ELOVL7: variants seen among roughly 807,000 people sequenced by gnomAD.
The protein encoded by ELOVL7 is very long chain fatty acid elongase 7.
A neutral mutation model predicts 35.7 loss-of-function variants in ELOVL7; 27 were observed. The ratio of observed to expected loss-of-function variants is 0.76; its 90% CI spans 0.56 to 1.04. The LOEUF (loss-of-function observed/expected upper bound fraction) is 1.04, where lower values mean the gene tolerates loss of function less well. Among genes scored for constraint, ELOVL7 ranks in the 50% least tolerant of loss-of-function variants. The probability of loss-of-function intolerance (pLI) is 0.00; values close to 1 mark genes in which losing one functional copy is unlikely to be tolerated. For missense variants in ELOVL7, 327 were observed against 340.8 expected (o/e 0.96, Z 0.32); for synonymous variants, 113 against 114.6 (o/e 0.99, Z 0.09).
At chr5:60,838,125 T>G (rs1746940333) in intron 1 of ELOVL7, among the ~76,000 whole-genome samples, 1 of 152,286 alleles carries the variant, frequency 6.6e-6, no homozygotes, top group African/African-American at 2.4e-5. Flanking sequence ...ACTGACATTA[T>G]GATAAAATCC....
chr5:60,756,922 T>C (rs1380142396), intron 8 of ELOVL7, among the ~76,000 whole-genome samples: 1 of 152,204 alleles, frequency 6.6e-6, no homozygotes, highest in Admixed American at 6.5e-5. Context: ...TCATATATTT[T>C]GAGAATTAAT....
At chr5:60,776,440 T>C (rs748676900) in intron 3 of ELOVL7, among the ~76,000 whole-genome samples, 49 of 152,334 alleles carry the variant, frequency 3.2e-4, no homozygotes, top group Non-Finnish European at 8.8e-5. Context: ...TGCAGGACTA[T>C]TCATAACAGC....
chr5:60,760,894 T>C (rs964849448), intron 7 of ELOVL7, among the ~76,000 whole-genome samples: 1 of 152,180 alleles, frequency 6.6e-6, no homozygotes, highest in Non-Finnish European at 1.5e-5. Flanking sequence ...TATCCTAAAA[T>C]GAGGATCTTA....
At chr5:60,800,887 A>T (rs988630779) in intron 1 of ELOVL7, among the ~76,000 whole-genome samples, 1 of 152,192 alleles carries the variant, frequency 6.6e-6, no homozygotes, top group Non-Finnish European at 1.5e-5. Context: ...GGTCAACTGT[A>T]TTACACCATT....
intron 1 of ELOVL7, among the ~76,000 whole-genome samples, chr5:60,823,527 G>A (rs758499298): frequency 6.6e-6 from 1 of 152,120 alleles, no homozygotes; most frequent in Non-Finnish European, 1.5e-5. Context: ...ATGTATAGTT[G>A]ACTAAATGGG....
At chr5:60,789,789 G>T (rs570494942) in intron 2 of ELOVL7, among the ~76,000 whole-genome samples, 1 of 152,132 alleles carries the variant, frequency 6.6e-6, no homozygotes, top group Admixed American at 6.6e-5. Flanking sequence ...AAATAAGAAT[G>T]AAGAACCTCT....
At position 60,757,498 on chromosome 5, in the gene ELOVL7, T is replaced by A; in HGVS notation, c.636+11A>T. 1.9e-6 allele frequency: 3 copies of A among 1,612,560 alleles called. No individual in the cohort carries two copies. In the South Asian group the frequency reaches 3.3e-5, roughly 18 times the overall value. ...CTTCATATATGGTTTTAAAGACAAT[T>A]AATTACTCACAAGCTGTAATGATGT... On this transcript the variant is annotated intron_variant, in intron 8 of 8. Coordinates refer to ENST00000508821, the MANE Select transcript of ELOVL7 (RefSeq NM_024930.3).
intron 3 of ELOVL7, among the ~76,000 whole-genome samples, chr5:60,777,371 C>G (rs1199687283): frequency 2.6e-5 from 4 of 151,318 alleles, no homozygotes; most frequent in Non-Finnish European, 4.4e-5. Context: ...CTACTATTTA[C>G]CCGCAAAAAT....
intron 4 of ELOVL7, 105 bp from the exon 5 acceptor site, chr5:60,768,008 T>C (rs1742350259): frequency 8.3e-6 from 7 of 838,730 alleles, no homozygotes; most frequent in Middle Eastern, 4.5e-4. Context: ...GCTAAGTCAA[T>C]AGTCAGTGCA....
At chr5:60,768,442 T>A (rs757387726) in intron 4 of ELOVL7, among the ~76,000 whole-genome samples, 1 of 152,146 alleles carries the variant, frequency 6.6e-6, no homozygotes, top group Non-Finnish European at 1.5e-5. Flanking sequence ...GAGGTGGTAG[T>A]CCATGGCTCA....
intron 1 of ELOVL7, among the ~76,000 whole-genome samples, chr5:60,837,908 C>G (rs1445608590): frequency 6.6e-6 from 1 of 152,124 alleles, no homozygotes; most frequent in Non-Finnish European, 1.5e-5. Flanking sequence ...TGCACTCCAG[C>G]CTGGGCAACA....
chr5:60,817,492 G>A (rs975251976), intron 1 of ELOVL7, among the ~76,000 whole-genome samples: 1 of 150,966 alleles, frequency 6.6e-6, no homozygotes, highest in Admixed American at 6.6e-5. Flanking sequence ...TTGCTGATGG[G>A]AATGTGAACT....
At chr5:60,785,161 A>T (rs1319325131) in intron 3 of ELOVL7, among the ~76,000 whole-genome samples, 3 of 152,000 alleles carry the variant, frequency 2.0e-5, no homozygotes, top group African/African-American at 7.2e-5. Context: ...TCCCCTCCCA[A>T]GTCTTCAAAT....
chr5:60,811,942 A>G (rs922526607), intron 1 of ELOVL7, among the ~76,000 whole-genome samples: 1 of 152,264 alleles, frequency 6.6e-6, no homozygotes, highest in Non-Finnish European at 1.5e-5. Context: ...AATTCCAGGT[A>G]CAGTCACTCA....
chr5:60,800,005 C>A (rs1364440197), intron 1 of ELOVL7, among the ~76,000 whole-genome samples: 2 of 138,376 alleles, frequency 1.4e-5, no homozygotes, highest in Admixed American at 1.6e-4. Context: ...CTATTGCACA[C>A]CAGCCTGGGC....
At chr5:60,836,309 A>C (rs1746795693) in intron 1 of ELOVL7, among the ~76,000 whole-genome samples, 1 of 152,072 alleles carries the variant, frequency 6.6e-6, no homozygotes, top group South Asian at 2.1e-4. Flanking sequence ...GCTACTGAAT[A>C]ATTCGTCATT....
At chr5:60,786,864 C>CCAGGGAGGCGGAGGTTG (rs556212854) in intron 3 of ELOVL7, among the ~76,000 whole-genome samples, 14 of 151,500 alleles carry the variant, frequency 9.2e-5, no homozygotes, top group South Asian at 4.2e-4. Context: ...ATGGCGTGAA[C>CCAGGGAGGCGGAGGTTG]CAGGGAGGCG....
At chr5:60,767,749 G>A (rs1460958) in intron 5 of ELOVL7, 74 bp downstream of exon 5, 623,276 of 1,055,940 alleles carry the variant, frequency 0.59, 189,563 homozygotes, top group African/African-American at 0.88. Context: ...CTAAGTTTAC[G>A]TTCAGTGTTA....
At chr5:60,837,717 G>A (rs1457864798) in intron 1 of ELOVL7, among the ~76,000 whole-genome samples, 1 of 152,010 alleles carries the variant, frequency 6.6e-6, no homozygotes. Flanking sequence ...CAAGGCAGGT[G>A]CATCACCTGA....
Sources: allele counts gnomAD v4.1 joint callset (sites outside exome capture counted in the v4.1 genomes callset), GRCh38; gene constraint gnomAD v4.1.1; transcripts MANE v1.5; gene names NCBI Gene and HGNC (gene_info 2026-07-23, HGNC 2026-07-21).